Variants in DCDC2 observed in about 807,000 individuals in gnomAD.
The protein encoded by DCDC2 is doublecortin domain containing 2.
In DCDC2, 40 loss-of-function variants were observed where a neutral mutation model predicts 50.2. The observed-to-expected ratio is 0.80, with a 90% CI of 0.62 to 1.04. DCDC2 has a LOEUF of 1.04. DCDC2 is among the 50% of genes least tolerant of loss of function. The probability of loss-of-function intolerance (pLI) is 0.00; values close to 1 mark genes in which losing one functional copy is unlikely to be tolerated. For missense variants in DCDC2, 570 were observed against 581.9 expected, an observed-to-expected ratio of 0.98 and a Z score of 0.21; for synonymous variants, 234 against 210.6, an observed-to-expected ratio of 1.11 and a Z score of -0.96.
In DCDC2 at chr6:24,173,134, A is replaced by G. The variant is rs540295233; in HGVS notation, c.*1596T>C. On this transcript the variant is annotated 3_prime_UTR_variant, in exon 10 of 10. Coordinates refer to ENST00000378454, the MANE Select transcript of DCDC2 (RefSeq NM_016356.5). The stretch of plus-strand genomic sequence containing the variant: ...TAGTAGAAAGCACAATTTAGATTTT[A>G]CACCAGAAACATAGTACCCTGTTTC... The G allele has an allele frequency of 1.3e-5, 2 of 152,088 alleles. No individual in the cohort carries two copies. Among genetic ancestry groups the G allele is most frequent in the South Asian group, 4.1e-4 (2 of 4,834 alleles). The allele number at this position is 152,088 out of a possible 1,614,324, so 9.4% of individuals were successfully genotyped here.
intron 7 of DCDC2, among the ~76,000 whole-genome samples, chr6:24,240,384 T>C (rs772079743): frequency 2.0e-5 from 3 of 152,232 alleles, no homozygotes; most frequent in Non-Finnish European, 2.9e-5. Flanking sequence ...ATTTATCTCC[T>C]GCTAACTGAA....
chr6:24,210,350 T>G (rs936719719), intron 7 of DCDC2, among the ~76,000 whole-genome samples: 1 of 152,182 alleles, frequency 6.6e-6, no homozygotes, highest in Admixed American at 6.5e-5. Context: ...CACTTCACCT[T>G]GGATGTCCAA....
At chr6:24,240,589 A>C (rs953868077) in intron 7 of DCDC2, among the ~76,000 whole-genome samples, 7 of 152,220 alleles carry the variant, frequency 4.6e-5, no homozygotes, top group Admixed American at 2.6e-4. Flanking sequence ...TAGGCATTTT[A>C]GAATACATGA....
chr6:24,191,099 C>T (rs757724960), intron 8 of DCDC2, among the ~76,000 whole-genome samples: 1 of 152,128 alleles, frequency 6.6e-6, no homozygotes, highest in African/African-American at 2.4e-5. Context: ...AGGTCAGGTT[C>T]CCTTCTGGTT....
chr6:24,290,150 C>T (rs547508154), intron 5 of DCDC2, among the ~76,000 whole-genome samples: 1 of 150,770 alleles, frequency 6.6e-6, no homozygotes, highest in African/African-American at 2.4e-5. Flanking sequence ...CCCGCCACTA[C>T]GCCCGGCTAA....
At position 24,185,541 on chromosome 6, in the gene DCDC2, G is replaced by C. The variant is rs958152390; in HGVS notation, c.1024-6909C>G. 3.3e-5 allele frequency among the ~76,000 whole-genome samples: 5 copies of C among 152,240 alleles called. No homozygotes were observed. The East Asian group carries it at 9.6e-4, about 29-fold the overall frequency. On this transcript the variant is annotated intron_variant, in intron 8 of 9. Transcript: ENST00000378454. ...AAAAAATAAAAATGCTGCTATGACA[G>C]ATCTGTAATGAATAAATGAAAAGCA...
At chr6:24,205,689 C>T (rs1358537693) in intron 7 of DCDC2, among the ~76,000 whole-genome samples, 1 of 152,176 alleles carries the variant, frequency 6.6e-6, no homozygotes, top group Non-Finnish European at 1.5e-5. Context: ...AAATCCTTAA[C>T]TATCAAATGT....
intron 2 of DCDC2, among the ~76,000 whole-genome samples, chr6:24,341,244 A>G (rs968601692): frequency 6.6e-6 from 1 of 152,180 alleles, no homozygotes; most frequent in African/African-American, 2.4e-5. Context: ...TAAAAAGTCA[A>G]TTTATTTGTC....
chr6:24,192,353 G>A (rs1430220542), intron 8 of DCDC2, among the ~76,000 whole-genome samples: 1 of 152,056 alleles, frequency 6.6e-6, no homozygotes, highest in African/African-American at 2.4e-5. Context: ...CCAATGAAAT[G>A]GCCAAAACGA....
At chr6:24,305,146 T>C (rs939467466) in intron 2 of DCDC2, among the ~76,000 whole-genome samples, 7 of 152,240 alleles carry the variant, frequency 4.6e-5, no homozygotes, top group African/African-American at 1.4e-4. Context: ...ATAAACAATA[T>C]ATTGAAATTC....
chr6:24,188,311 A>G (rs772214587), intron 8 of DCDC2, among the ~76,000 whole-genome samples: 2 of 151,940 alleles, frequency 1.3e-5, no homozygotes, highest in African/African-American at 2.4e-5. Flanking sequence ...TCACTGTAAT[A>G]GTGCCCTGAA....
chr6:24,266,500 T>C (rs1763124822), intron 7 of DCDC2, among the ~76,000 whole-genome samples: 1 of 152,076 alleles, frequency 6.6e-6, no homozygotes, highest in South Asian at 2.1e-4. Context: ...AATTTAAAAA[T>C]GGGCAAAACA....
At chr6:24,207,630 T>A (rs1486874142) in intron 7 of DCDC2, among the ~76,000 whole-genome samples, 7 of 152,208 alleles carry the variant, frequency 4.6e-5, no homozygotes, top group African/African-American at 1.7e-4. Context: ...AGACATGCGA[T>A]GTTTACTCTT....
chr6:24,225,670 T>C (rs181959252), intron 7 of DCDC2, among the ~76,000 whole-genome samples: 32 of 152,036 alleles, frequency 2.1e-4, no homozygotes, highest in African/African-American at 7.7e-4. Flanking sequence ...TTACATTTTA[T>C]ATATTACATT....
intron 7 of DCDC2, among the ~76,000 whole-genome samples, chr6:24,219,710 G>C (rs776941417): frequency 2.0e-5 from 3 of 152,172 alleles, no homozygotes; most frequent in Non-Finnish European, 4.4e-5. Flanking sequence ...CACCAACCAC[G>C]TTAAAATTCT....
chr6:24,358,905 T>TAA, upstream of DCDC2, among the ~76,000 whole-genome samples: 1 of 35,272 alleles, frequency 2.8e-5, no homozygotes, highest in African/African-American at 2.3e-4. Flanking sequence ...ATATAATATA[T>TAA]TATATATTAT....
At chr6:24,183,400 G>A (rs1761127019) in intron 8 of DCDC2, among the ~76,000 whole-genome samples, 1 of 152,192 alleles carries the variant, frequency 6.6e-6, no homozygotes, top group Non-Finnish European at 1.5e-5. Context: ...GGATTTCTAG[G>A]GAGTTCAGGA....
chr6:24,333,656 T>A lies in DCDC2; in HGVS notation c.348+19913A>T, dbSNP rs936709819. Among the ~76,000 whole-genome samples the A allele has an allele frequency of 3.3e-5, 5 of 152,340 alleles. No homozygotes were observed. In the East Asian group the frequency reaches 9.6e-4, roughly 29 times the overall value. On this transcript the variant is annotated intron_variant, in intron 2 of 9. Coordinates refer to ENST00000378454, the MANE Select transcript of DCDC2 (RefSeq NM_016356.5). ...TTGCAGGCTAAGTTTAAGGCATTTATCTTTATGCTAAGAGTAACAGGAAGT... is the reference window on the plus strand; with the variant it reads ...TTGCAGGCTAAGTTTAAGGCATTTAACTTTATGCTAAGAGTAACAGGAAGT...
the DCDC2 span, among the ~76,000 whole-genome samples, chr6:24,379,827 T>C: frequency 6.6e-6 from 1 of 152,172 alleles, no homozygotes; most frequent in Non-Finnish European, 1.5e-5. Context: ...AAAGGAAATG[T>C]GGCACATATA....
Sources: allele counts gnomAD v4.1 joint callset (sites outside exome capture counted in the v4.1 genomes callset), GRCh38; gene constraint gnomAD v4.1.1; transcripts MANE v1.5; gene names NCBI Gene and HGNC (gene_info 2026-07-23, HGNC 2026-07-21).